The following ADGRB2 variants were observed in gnomAD, a reference collection of about 807,000 sequenced individuals.
ADGRB2 encodes the protein brain-specific angiogenesis inhibitor 2.
In ADGRB2, 47 loss-of-function variants were observed where a neutral mutation model predicts 178.7. The ratio of observed to expected loss-of-function variants is 0.26; its 90% confidence interval spans 0.21 to 0.34. The LOEUF (loss-of-function observed/expected upper bound fraction) is 0.34. ADGRB2 is among the 10% of genes least tolerant of loss of function. The pLI is 1.00. For missense variants in ADGRB2, 1,584 were observed against 2,180.8 expected (o/e 0.73, Z 5.45); for synonymous variants, 870 against 912.4 (o/e 0.95, Z 0.84).
In ADGRB2 at chr1:31,728,782, G is replaced by T. The variant is rs2148872011; in HGVS notation, c.4381-149C>A. On this transcript the variant is annotated intron_variant, in intron 29 of 32. Transcript: ENST00000373658. The surrounding 1 kb of genome is among the most constrained non-coding windows in gnomAD (Gnocchi z 6.7). ...CCCAGAAGTTGCGGACCTTCATGGG[G>T]CAGCTTTTCAGGCCTCACTGAACAC... 1.6e-6 allele frequency: 1 copy of T among 645,020 alleles called. No homozygotes were observed. The allele number at this position is 645,020 out of a possible 1,614,324, so 40.0% of individuals were successfully genotyped here.
chr1:31,728,321 G>T lies in ADGRB2; in HGVS notation c.4417-41C>A. On this transcript the variant is annotated intron_variant, in intron 30 of 32. Transcript: ENST00000373658. This position sits in a 1 kb window ranked among gnomAD's most constrained non-coding sequence, Gnocchi z 6.7. ...CATCAGAGGGTCGCTCCCCGGGGCAGCACCATGATCCCCCCTACCCAGGGC... is the reference window on the plus strand; with the variant it reads ...CATCAGAGGGTCGCTCCCCGGGGCATCACCATGATCCCCCCTACCCAGGGC... 6.3e-7 allele frequency: 1 copy of T among 1,588,426 alleles called. No individual in the cohort carries two copies.
intron 16 of ADGRB2, 96 bp from the exon 17 acceptor site, chr1:31,738,726 G>A: frequency 6.3e-7 from 1 of 1,593,888 alleles, no homozygotes; most frequent in Non-Finnish European, 8.6e-7. Context: ...TCCCACACAG[G>A]TCCAGGGTTC....
rs1189967520 is a variant in ADGRB2, at chr1:31,739,412, G to A, written c.2391C>T (p.Gly797=). ...RGPGTVPPGP[G]HSHQRLLPAD... ...CTGGGAGGAGGCGCTGGTGGGAGTG[G>A]CCTGGGCCAGGAGGCACCGTTCCTG... Residue 797 remains glycine, a synonymous_variant, in exon 15 of 33, where the codon GGC becomes GGT. Transcript: ENST00000373658. 11 of 1,563,334 alleles carry A rather than the reference G, an allele frequency of 7.0e-6. No individual in the cohort carries two copies. Among genetic ancestry groups the A allele is most frequent in the Non-Finnish European group, 9.5e-6 (11 of 1,154,892 alleles).
rs1645276351 is a variant in ADGRB2 at position 31,731,431 on chromosome 1, A to T, written c.3761-12T>A. The stretch of plus-strand genomic sequence containing the variant: ...CTCCTTGAACAGCACTGGGGGCAGG[A>T]GTGGGAGGGAGGGGGTGAGTCCTGA... On this transcript the variant is annotated splice_polypyrimidine_tract_variant and intron_variant, in intron 28 of 32. Transcript: ENST00000373658. 1 of 1,567,456 alleles carries T rather than the reference A, an allele frequency of 6.4e-7. No homozygotes were observed. The highest frequency in any genetic ancestry group is 1.2e-5 in the South Asian group (1 of 83,784).
At position 31,727,493 on chromosome 1, in the gene ADGRB2, C is replaced by G. The variant is rs139337826; in HGVS notation, c.4685G>C (p.Arg1562Pro). ...GGCTGCTGCCCGGTGCAGAGTCAGCCGTTCTCGGGGCTTGGGGGGCAGCGA... is the reference window on the plus strand; with the variant it reads ...GGCTGCTGCCCGGTGCAGAGTCAGCGGTTCTCGGGGCTTGGGGGGCAGCGA... ...LGSLPPKPRERLTLHRAAAWE... is the reference protein window; with the variant it reads ...LGSLPPKPREPLTLHRAAAWE... The change falls in exon 33 of 33, where the codon CGG becomes CCG. Residue 1562 changes from arginine (R) to proline (P), a missense_variant. Physicochemically the swap from Arg to Pro is moderately radical, Grantham distance 103. Around this residue, in one of 3 missense-constraint regions of ADGRB2, gnomAD observed 865 missense variants for 1,192.8 expected, o/e 0.73. Coordinates refer to ENST00000373658, the MANE Select transcript of ADGRB2 (RefSeq NM_001364857.2). The surrounding 1 kb of genome is among the most constrained non-coding windows in gnomAD (Gnocchi z 4.4). The G allele has an allele frequency of 3.1e-6, 5 of 1,596,696 alleles. No homozygotes were observed. The African/African-American group carries it at 6.8e-5, about 22-fold the overall frequency.
Position 31,743,018 on chromosome 1 carries a change from T to TG in ADGRB2, c.1088-17dup. 7.1e-7 allele frequency: 1 copy of TG among 1,412,274 alleles called. No homozygotes were observed. 87.5% of individuals were successfully genotyped at this position (1,412,274 alleles called of 1,614,324 possible). On this transcript the variant is annotated splice_polypyrimidine_tract_variant and intron_variant, in intron 6 of 32. Transcript: ENST00000373658. The stretch of plus-strand genomic sequence containing the variant: ...ACGCCGTGCACTGCAAGGAAGCACG[T>TG]GGCCGGTGGCTGGGCGGCACCATGG...
chr1:31,748,614 C>T (rs565542250), intron 4 of ADGRB2, among the ~76,000 whole-genome samples: 7 of 152,362 alleles, frequency 4.6e-5, no homozygotes, highest in Admixed American at 2.6e-4. Context: ...GACGTGAGTA[C>T]CCCCAAGAAC....
At position 31,737,662 on chromosome 1, in the gene ADGRB2, C is replaced by T. The variant is rs772354080; in HGVS notation, c.2866G>A (p.Ala956Thr). 19 of 1,613,676 alleles carry T rather than the reference C, an allele frequency of 1.2e-5. No homozygotes were observed. The highest frequency in any genetic ancestry group is 4.5e-5 in the East Asian group (2 of 44,884). The stretch of plus-strand genomic sequence containing the variant: ...AGGTGTCAGACCTACCTCCAAAAGG[C>T]GGCATAGATGGCGAGCAGGGTGAGC... ...ALLTLLAIYAAFWRFIKSERS... is the reference protein window; with the variant it reads ...ALLTLLAIYATFWRFIKSERS... The change falls in exon 19 of 33, where the codon GCC becomes ACC. Residue 956 changes from alanine to threonine, a missense_variant. Ala to Thr is a moderately conservative substitution (Grantham distance 58). This residue lies in a region of ADGRB2 where 865 missense variants were observed against 1,192.8 expected (regional missense o/e 0.73). Coordinates refer to ENST00000373658, the MANE Select transcript of ADGRB2 (RefSeq NM_001364857.2).
In ADGRB2 at chr1:31,727,181, G is replaced by A. The variant is rs867080534; in HGVS notation, c.*239C>T. ...CCCCTCCCCAGCCCGGGACAGGGAC[G>A]GACAGGCTGGGCTGAAGATGGGGTT... On this transcript the variant is annotated 3_prime_UTR_variant, in exon 33 of 33. Coordinates refer to ENST00000373658, the MANE Select transcript of ADGRB2 (RefSeq NM_001364857.2). The surrounding 1 kb of genome is among the most constrained non-coding windows in gnomAD (Gnocchi z 4.4). 7 of 471,648 alleles carry A rather than the reference G, an allele frequency of 1.5e-5. No homozygotes were observed. The East Asian group carries it at 1.6e-4, about 11-fold the overall frequency. The allele number at this position is 471,648 out of a possible 1,614,324, so 29.2% of individuals were successfully genotyped here.
rs1243258585 is a variant in ADGRB2 at position 31,758,216 on chromosome 1, AGAG to A, written c.-190-708_-190-706del. ...CCCTAGAGCCCAGCTGGTCCTCATC[AGAG>A]GAGAAAAGATGGGGCTAGGAAAAGG... is the stretch of plus-strand genomic sequence containing the variant. On this transcript the variant is annotated intron_variant, in intron 1 of 32. Coordinates refer to ENST00000373658, the MANE Select transcript of ADGRB2 (RefSeq NM_001364857.2). This position sits in a 1 kb window ranked among gnomAD's most constrained non-coding sequence, Gnocchi z 4.2. 2.0e-5 allele frequency among the ~76,000 whole-genome samples: 3 copies of A among 152,182 alleles called. No homozygotes were observed. Among genetic ancestry groups the A allele is most frequent in the African/African-American group, 7.2e-5 (3 of 41,446 alleles).
Position 31,733,819 on chromosome 1 carries a change from C to G in ADGRB2, c.3453-676G>C, listed in dbSNP as rs575538324. Among the ~76,000 whole-genome samples the G allele has an allele frequency of 2.0e-5, 3 of 152,224 alleles. No individual in the cohort carries two copies. In the East Asian group the frequency reaches 5.8e-4, roughly 29 times the overall value. ...GCCTACACCTCCCTGGCCTCCCTGCCAGGGGAGGGCAGAAAAAAAGCAGAT... is the reference window on the plus strand; with the variant it reads ...GCCTACACCTCCCTGGCCTCCCTGCGAGGGGAGGGCAGAAAAAAAGCAGAT... On this transcript the variant is annotated intron_variant, in intron 25 of 32. Transcript: ENST00000373658. The surrounding 1 kb of genome is among the most constrained non-coding windows in gnomAD (Gnocchi z 4.3).
At position 31,759,586 on chromosome 1, in the gene ADGRB2, G is replaced by A. The variant is rs1352449499; in HGVS notation, c.-190-2075C>T. ...CTCAGTCTCCTTCAGACACCTTCAC[G>A]CTCATTCTGGGATTTCGTCCTGGAC... On this transcript the variant is annotated intron_variant, in intron 1 of 32. Coordinates refer to ENST00000373658, the MANE Select transcript of ADGRB2 (RefSeq NM_001364857.2). The surrounding 1 kb of genome is among the most constrained non-coding windows in gnomAD (Gnocchi z 4.3). 2.0e-5 allele frequency among the ~76,000 whole-genome samples: 3 copies of A among 152,120 alleles called. No individual in the cohort carries two copies. The highest frequency in any genetic ancestry group is 1.9e-4 in the East Asian group (1 of 5,200).
At position 31,754,705 on chromosome 1, in the gene ADGRB2, A is replaced by C. The variant is rs780165414; in HGVS notation, c.838+1294T>G. On this transcript the variant is annotated intron_variant, in intron 4 of 32. Transcript: ENST00000373658. This position sits in a 1 kb window ranked among gnomAD's most constrained non-coding sequence, Gnocchi z 5.7. ...AGATGTCTCATTGGAGAAGCCAAGA[A>C]GGCCCCCATCGAAAGTACTGGGTTA... Among the ~76,000 whole-genome samples, 2 of 152,232 alleles carry C rather than the reference A, an allele frequency of 1.3e-5. No homozygotes were observed. Among genetic ancestry groups the C allele is most frequent in the Non-Finnish European group, 2.9e-5 (2 of 68,040 alleles).
chr1:31,749,956 A>G lies in ADGRB2; in HGVS notation c.839-5225T>C, dbSNP rs182858214. Among the ~76,000 whole-genome samples, 1,162 of 152,192 alleles carry G rather than the reference A, an allele frequency of 7.6e-3. 13 individuals are homozygous for G. The highest frequency in any genetic ancestry group is 0.035 in the East Asian group (182 of 5,180). ...GAGAGAGAAAGAAAGAAAGGAAAGA[A>G]AGAAAGAAAGAGAAAAAGAACAAAA... On this transcript the variant is annotated intron_variant, in intron 4 of 32. Transcript: ENST00000373658.
chr1:31,731,166 T>C lies in ADGRB2; in HGVS notation c.4014A>G (p.Thr1338=), dbSNP rs762120790. 4 of 1,598,908 alleles carry C rather than the reference T, an allele frequency of 2.5e-6. No individual in the cohort carries two copies. Among genetic ancestry groups the C allele is most frequent in the South Asian group, 1.1e-5 (1 of 88,908 alleles). The part of the protein sequence containing the change: ...GEGGLRQLDL[T]WLRPTEPGSE... ...AGCCTGGCTCAGTGGGCCGCAGCCA[T>C]GTGAGGTCCAGCTGCCGCAGGCCAC... Residue 1338 remains threonine, a synonymous_variant, in exon 29 of 33, where the codon ACA becomes ACG. Transcript: ENST00000373658.
intron 4 of ADGRB2, among the ~76,000 whole-genome samples, chr1:31,746,020 CT>C (rs1646254118): frequency 6.6e-6 from 1 of 152,210 alleles, no homozygotes; most frequent in Non-Finnish European, 1.5e-5. Context: ...TCTCTGAAAC[CT>C]GGACTCCCAG....
Position 31,753,693 on chromosome 1 carries a change from C to T in ADGRB2, c.838+2306G>A, listed in dbSNP as rs1237474132. 6.6e-6 allele frequency among the ~76,000 whole-genome samples: 1 copy of T among 152,254 alleles called. No individual in the cohort carries two copies. The highest frequency in any genetic ancestry group is 1.9e-4 in the East Asian group (1 of 5,200). ...GGGGAGGAATGGAGGGGGCCAAAGG[C>T]TCGGCAAAGGTGGTGCTGCCACAAG... On this transcript the variant is annotated intron_variant, in intron 4 of 32. Coordinates refer to ENST00000373658, the MANE Select transcript of ADGRB2 (RefSeq NM_001364857.2). The surrounding 1 kb of genome is among the most constrained non-coding windows in gnomAD (Gnocchi z 4.1).
In ADGRB2 at chr1:31,741,421, G is replaced by A. The variant is rs150103733; in HGVS notation, c.1746C>T (p.Pro582=). Residue 582 remains proline (P), a synonymous_variant, in exon 11 of 33, where the codon CCC becomes CCT. Transcript: ENST00000373658. The surrounding 1 kb of genome is among the most constrained non-coding windows in gnomAD (Gnocchi z 6.5). The part of the protein sequence containing the change: ...SAQGVAYWGL[P]SFARCISHEY... ...CATGGGAGATGCAGCGAGCAAAGCT[G>A]GGCAGCCCCCAGTACGCCACGCCTT... 1 of 1,607,388 alleles carries A rather than the reference G, an allele frequency of 6.2e-7. No homozygotes were observed. Among genetic ancestry groups the A allele is most frequent in the Non-Finnish European group, 8.5e-7 (1 of 1,177,216 alleles).
rs935332706 is a variant in ADGRB2 at position 31,754,390 on chromosome 1, G to A, written c.838+1609C>T. Among the ~76,000 whole-genome samples, 1 of 152,278 alleles carries A rather than the reference G, an allele frequency of 6.6e-6. No individual in the cohort carries two copies. The highest frequency in any genetic ancestry group is 2.4e-5 in the African/African-American group (1 of 41,482). ...CAGACAAAAGAACCCGCCTGCAGCT[G>A]AGCACGATGGGGGAGACCCCCACAG... On this transcript the variant is annotated intron_variant, in intron 4 of 32. Coordinates refer to ENST00000373658, the MANE Select transcript of ADGRB2 (RefSeq NM_001364857.2). This position sits in a 1 kb window ranked among gnomAD's most constrained non-coding sequence, Gnocchi z 5.7.
Sources: allele counts gnomAD v4.1 joint callset (sites outside exome capture counted in the v4.1 genomes callset), GRCh38; gene constraint gnomAD v4.1.1; regional missense constraint gnomAD v4.1.1; non-coding constraint Gnocchi (gnomAD v3.1); transcripts MANE v1.5; gene names NCBI Gene and HGNC (gene_info 2026-07-23, HGNC 2026-07-21).